The following MELTF variants were observed in gnomAD, a reference collection of about 807,000 sequenced individuals.
MELTF encodes the protein melanotransferrin.
MELTF carries 67 observed loss-of-function variants against 83.7 expected under a neutral mutation model. That is an observed-to-expected ratio of 0.80 (90% confidence interval 0.66 to 0.98). MELTF has a LOEUF of 0.98. Ranked by LOEUF, MELTF falls within the 50% of genes least tolerant of loss-of-function variation. The probability of loss-of-function intolerance (pLI) is 0.00; values close to 1 mark genes in which losing one functional copy is unlikely to be tolerated. For missense variants in MELTF, 1,002 were observed against 1,035.6 expected, an observed-to-expected ratio of 0.97 and a Z score of 0.44; for synonymous variants, 462 against 447.6, an observed-to-expected ratio of 1.03 and a Z score of -0.41.
intron 9 of MELTF, among the ~76,000 whole-genome samples, chr3:197,015,156 T>C (rs1334519419): frequency 1.3e-5 from 2 of 151,738 alleles, no homozygotes; most frequent in East Asian, 3.9e-4. Context: ...GGGTGGGTGC[T>C]GGCCCCTGCG....
In MELTF at chr3:197,016,286, A is replaced by G. The variant is rs751817419; in HGVS notation, c.984T>C (p.Ser328=). The change falls in exon 8 of 16, where the codon TCT becomes TCC. Residue 328 remains serine (S), a synonymous_variant. Transcript: ENST00000296350. Reference sequence around the variant, plus strand: ...TGGCGATGGGCACAAGCTCCGAGGTAGAGTCTTTGAAGAGTAGATCCTTCT... The same window carrying G: ...TGGCGATGGGCACAAGCTCCGAGGTGGAGTCTTTGAAGAGTAGATCCTTCT... ...YGQKDLLFKD[S]TSELVPIATQ... The G allele has an allele frequency of 3.7e-6, 6 of 1,612,898 alleles. No homozygotes were observed. In the Admixed American group the frequency reaches 6.7e-5, roughly 18 times the overall value.
chr3:197,026,431 G>A lies in MELTF; in HGVS notation c.304+229C>T, dbSNP rs898851302. The A allele has an allele frequency of 1.6e-5, 9 of 557,538 alleles. No individual in the cohort carries two copies. In the East Asian group the frequency reaches 2.7e-4, roughly 17 times the overall value. 34.5% of individuals were successfully genotyped at this position (557,538 alleles called of 1,614,324 possible). Reference sequence around the variant, plus strand: ...GAGCTGAGTGGGCACAGGCTAGGGGGCTGCTGGGCTCCCTGCGGGCAAGAG... The same window carrying A: ...GAGCTGAGTGGGCACAGGCTAGGGGACTGCTGGGCTCCCTGCGGGCAAGAG... On this transcript the variant is annotated intron_variant, in intron 3 of 15. Coordinates refer to ENST00000296350, the MANE Select transcript of MELTF (RefSeq NM_005929.6).
intron 9 of MELTF, among the ~76,000 whole-genome samples, chr3:197,012,071 T>C (rs999084580): frequency 3.3e-5 from 5 of 152,180 alleles, no homozygotes; most frequent in Non-Finnish European, 7.4e-5. Context: ...TCTGTCACCG[T>C]CACACACAGT....
chr3:197,026,429 G>T (rs1719857103), intron 3 of MELTF: 1 of 556,914 alleles, frequency 1.8e-6, no homozygotes, highest in Non-Finnish European at 3.2e-6. Flanking sequence ...ACAGGCTAGG[G>T]GGCTGCTGGG....
chr3:197,024,040 G>A lies in MELTF; in HGVS notation c.487+263C>T. The A allele has an allele frequency of 3.1e-6, 2 of 635,316 alleles. No individual in the cohort carries two copies. The highest frequency in any genetic ancestry group is 5.8e-6 in the Non-Finnish European group (2 of 343,502). The allele number at this position is 635,316 out of a possible 1,614,324, so 39.4% of individuals were successfully genotyped here. A position where few individuals can be genotyped will look rare whatever the true frequency, so the allele number is the denominator to read the frequency against. On this transcript the variant is annotated intron_variant, in intron 4 of 15. Coordinates refer to ENST00000296350, the MANE Select transcript of MELTF (RefSeq NM_005929.6). This position sits in a 1 kb window ranked among gnomAD's most constrained non-coding sequence, Gnocchi z 5.3. The stretch of plus-strand genomic sequence containing the variant: ...TGCTTCCCACTCATGGGCTGGGCCT[G>A]TGCCTGGCTGTGCCATGTGGGACAC...
In MELTF at chr3:197,002,814, C is replaced by T. The variant is rs1046567157; in HGVS notation, c.*558G>A. The T allele has an allele frequency of 2.1e-4, 32 of 152,194 alleles. No individual in the cohort carries two copies. The highest frequency in any genetic ancestry group is 7.7e-4 in the African/African-American group (32 of 41,546). 9.4% of individuals were successfully genotyped at this position (152,194 alleles called of 1,614,324 possible). Reference sequence around the variant, plus strand: ...CCCAGCGCACGGGCGGTCGGAGGAACTGGAGCCCCCACCCCGGACACGGTC... The same window carrying T: ...CCCAGCGCACGGGCGGTCGGAGGAATTGGAGCCCCCACCCCGGACACGGTC... On this transcript the variant is annotated 3_prime_UTR_variant, in exon 16 of 16. Coordinates refer to ENST00000296350, the MANE Select transcript of MELTF (RefSeq NM_005929.6).
intron 3 of MELTF, chr3:197,025,565 T>C (rs1475931841): frequency 6.6e-6 from 1 of 152,076 alleles, no homozygotes; most frequent in Admixed American, 6.6e-5. Context: ...GTTTATTTAC[T>C]CTCTGCTCTG....
intron 5 of MELTF, among the ~76,000 whole-genome samples, chr3:197,021,877 A>G (rs1241283898): frequency 2.0e-5 from 3 of 152,102 alleles, no homozygotes; most frequent in Non-Finnish European, 4.4e-5. Context: ...TTTTAGAGAT[A>G]GGGTCTCACT....
chr3:197,029,711 C>A lies in MELTF; in HGVS notation c.-9G>T, dbSNP rs896556554. ...CCGCTCGGACCCCGCATGGCGCCGT[C>A]GGGGCTGGCTGGGGCCGGGCTGGGG... On this transcript the variant is annotated 5_prime_UTR_variant, in exon 1 of 16. Coordinates refer to ENST00000296350, the MANE Select transcript of MELTF (RefSeq NM_005929.6). The surrounding 1 kb of genome is among the most constrained non-coding windows in gnomAD (Gnocchi z 6.5). The A allele has an allele frequency of 1.6e-6, 2 of 1,237,730 alleles. No individual in the cohort carries two copies. Among genetic ancestry groups the A allele is most frequent in the East Asian group, 3.1e-5 (1 of 32,052 alleles). 76.7% of individuals were successfully genotyped at this position (1,237,730 alleles called of 1,614,324 possible).
In MELTF at chr3:197,011,591, G is replaced by A. The variant is rs778749725; in HGVS notation, c.1234-797C>T. On this transcript the variant is annotated intron_variant, in intron 9 of 15. Transcript: ENST00000296350. The surrounding 1 kb of genome is among the most constrained non-coding windows in gnomAD (Gnocchi z 4.2). The stretch of plus-strand genomic sequence containing the variant: ...GTGATGGCGGTTAATAACAGGCAGC[G>A]GCGTTGATATTTGGGGCCAGGAGGG... Among the ~76,000 whole-genome samples the A allele has an allele frequency of 2.8e-4, 42 of 152,178 alleles. 1 individual carries two copies. Among genetic ancestry groups the A allele is most frequent in the Admixed American group, 2.0e-3 (31 of 15,282 alleles).
At chr3:197,016,984 G>A in intron 7 of MELTF, 119 bp downstream of exon 7, 1 of 1,140,488 alleles carries the variant, frequency 8.8e-7, no homozygotes, top group Non-Finnish European at 1.2e-6. Context: ...CCCGATGCTG[G>A]GGTCCGTCCC....
At chr3:197,017,976 G>A (rs1719465661) in intron 6 of MELTF, among the ~76,000 whole-genome samples, 1 of 151,892 alleles carries the variant, frequency 6.6e-6, no homozygotes, top group Admixed American at 6.5e-5. Context: ...CTGAGCAGGG[G>A]GCAGGGGGCA....
At position 197,007,848 on chromosome 3, in the gene MELTF, G is replaced by A. The variant is rs1719035087; in HGVS notation, c.1750+809C>T. The stretch of plus-strand genomic sequence containing the variant: ...CCCATTGTCCAGTCCCCTCCCCACC[G>A]GGCCACAGTTGTGCCTTTCTGGGCT... On this transcript the variant is annotated intron_variant, in intron 13 of 15. Transcript: ENST00000296350. This position sits in a 1 kb window ranked among gnomAD's most constrained non-coding sequence, Gnocchi z 4.3. Among the ~76,000 whole-genome samples, 1 of 152,104 alleles carries A rather than the reference G, an allele frequency of 6.6e-6. No homozygotes were observed. The highest frequency in any genetic ancestry group is 2.4e-5 in the African/African-American group (1 of 41,402).
chr3:197,016,424 T>C, intron 7 of MELTF, 55 bp from the exon 8 acceptor site: 1 of 1,406,352 alleles, frequency 7.1e-7, no homozygotes, highest in South Asian at 1.7e-5. Context: ...GGCCATATCC[T>C]TCCCTCCCAC....
At chr3:197,027,664 G>A (rs1406845212) in intron 2 of MELTF, 92 bp downstream of exon 2, 1 of 1,433,570 alleles carries the variant, frequency 7.0e-7, no homozygotes, top group Non-Finnish European at 9.4e-7. Flanking sequence ...GGCAGGGCGA[G>A]GTCGGCTCCT....
chr3:197,006,641 C>A lies in MELTF; in HGVS notation c.1846G>T (p.Ala616Ser). 1.2e-6 allele frequency: 2 copies of A among 1,611,094 alleles called. No homozygotes were observed. The highest frequency in any genetic ancestry group is 1.1e-5 in the South Asian group (1 of 90,714). ...GARAEVSQFA[A>S]CNLAQIPPHA... ...GGTGGTATCTGTGCCAGGTTGCAGG[C>A]TGCAAACTGGGACACCTCGGCTCGG... The change falls in exon 14 of 16, where the codon GCC becomes TCC. Residue 616 changes from alanine to serine, a missense_variant. Coordinates refer to ENST00000296350, the MANE Select transcript of MELTF (RefSeq NM_005929.6). The surrounding 1 kb of genome is among the most constrained non-coding windows in gnomAD (Gnocchi z 5.4).
chr3:197,005,580 A>T (rs916409486), intron 14 of MELTF, among the ~76,000 whole-genome samples: 5 of 152,206 alleles, frequency 3.3e-5, no homozygotes, highest in Non-Finnish European at 7.3e-5. Flanking sequence ...AGCAGAGAAG[A>T]CTGAGGAGTG....
intron 14 of MELTF, among the ~76,000 whole-genome samples, chr3:197,005,606 G>C (rs1200543419): frequency 6.6e-6 from 1 of 152,182 alleles, no homozygotes. Flanking sequence ...AGAGTGAGAG[G>C]ACAGCCAGGC....
In MELTF at chr3:197,024,131, C is replaced by T. The variant is rs938581536; in HGVS notation, c.487+172G>A. On this transcript the variant is annotated intron_variant, in intron 4 of 15. Transcript: ENST00000296350. This position sits in a 1 kb window ranked among gnomAD's most constrained non-coding sequence, Gnocchi z 5.3. ...CAAGCAGGAAGTCAAGCGGCGGCGC[C>T]GGCGGCAGAGTGGAGGCGGGGGAGG... is the stretch of plus-strand genomic sequence containing the variant. Among the ~76,000 whole-genome samples, 9 of 127,718 alleles carry T rather than the reference C, an allele frequency of 7.0e-5. No individual in the cohort carries two copies. Among genetic ancestry groups the T allele is most frequent in the East Asian group, 5.5e-4 (2 of 3,622 alleles). 83.8% of individuals were successfully genotyped at this position (127,718 alleles called of 152,430 possible).
Sources: allele counts gnomAD v4.1 joint callset (sites outside exome capture counted in the v4.1 genomes callset), GRCh38; gene constraint gnomAD v4.1.1; non-coding constraint Gnocchi (gnomAD v3.1); transcripts MANE v1.5; gene names NCBI Gene and HGNC (gene_info 2026-07-23, HGNC 2026-07-21).